Variants in NKAIN2 observed in about 807,000 individuals in gnomAD.
NKAIN2 encodes the protein sodium/potassium transporting ATPase interacting 2, also known as sodium/potassium-transporting ATPase subunit beta-1-interacting protein 2.
NKAIN2 carries 14 observed loss-of-function variants against 32.6 expected under a neutral mutation model. That is an observed-to-expected ratio of 0.43 (90% CI 0.28 to 0.67). The LOEUF (loss-of-function observed/expected upper bound fraction) is 0.67, where lower values mean the gene tolerates loss of function less well. Among genes scored for constraint, NKAIN2 ranks in the 30% least tolerant of loss-of-function variants. NKAIN2 has a pLI of 0.17. For missense variants in NKAIN2, 198 were observed against 258.3 expected, an observed-to-expected ratio of 0.77 and a Z score of 1.60; for synonymous variants, 80 against 87.2, an observed-to-expected ratio of 0.92 and a Z score of 0.46.
At chr6:124,587,380 CG>C (rs900334264) in intron 3 of NKAIN2, among the ~76,000 whole-genome samples, 15 of 151,796 alleles carry the variant, frequency 9.9e-5, no homozygotes, top group African/African-American at 3.2e-4. Flanking sequence ...CCACCACGCC[CG>C]GCTAATTTTT....
chr6:124,158,370 T>C (rs946455215), intron 1 of NKAIN2, among the ~76,000 whole-genome samples: 2 of 152,168 alleles, frequency 1.3e-5, no homozygotes, highest in Non-Finnish European at 2.9e-5. Flanking sequence ...CACTCTGTCA[T>C]ACCAGGGGTT....
In NKAIN2 at chr6:124,162,251, A is replaced by T. The variant is rs11963390; in HGVS notation, c.55-120754A>T. ...GACATACACCTAAGTACCAACACACATAGTATGCGCTCCATAGGAATAAGG... is the reference window on the plus strand; with the variant it reads ...GACATACACCTAAGTACCAACACACTTAGTATGCGCTCCATAGGAATAAGG... On this transcript the variant is annotated intron_variant, in intron 1 of 6. Coordinates refer to ENST00000368417, the MANE Select transcript of NKAIN2 (RefSeq NM_001040214.3). Among the ~76,000 whole-genome samples the T allele has an allele frequency of 7.9e-3, 1,195 of 152,164 alleles. 12 individuals are homozygous for T. The highest frequency in any genetic ancestry group is 0.027 in the African/African-American group (1,140 of 41,542).
At chr6:124,248,184 G>A (rs1426277691) in intron 1 of NKAIN2, among the ~76,000 whole-genome samples, 2 of 152,026 alleles carry the variant, frequency 1.3e-5, no homozygotes, top group East Asian at 3.9e-4. Flanking sequence ...TTTGGAACTT[G>A]AATGATAGAT....
chr6:124,649,847 A>G (rs1384339122), intron 3 of NKAIN2, among the ~76,000 whole-genome samples: 2 of 152,166 alleles, frequency 1.3e-5, no homozygotes, highest in East Asian at 1.9e-4. Context: ...TCCACAAACT[A>G]AAGAAGAAAA....
At chr6:124,673,767 T>C (rs535587340) in intron 4 of NKAIN2, among the ~76,000 whole-genome samples, 1 of 152,134 alleles carries the variant, frequency 6.6e-6, no homozygotes, top group African/African-American at 2.4e-5. Context: ...AGGTTTATCA[T>C]ATATTTTAGA....
Position 123,894,504 on chromosome 6 carries a change from C to T in NKAIN2, c.54+90250C>T, listed in dbSNP as rs552482861. 1.4e-4 allele frequency among the ~76,000 whole-genome samples: 22 copies of T among 152,046 alleles called. No individual in the cohort carries two copies. In the South Asian group the frequency reaches 4.0e-3, roughly 27 times the overall value. ...GGCATAGATTAGCTGTCGATGTTTT[C>T]AAAGGATCTGTAAAACCTGAGAAGC... On this transcript the variant is annotated intron_variant, in intron 1 of 6. Coordinates refer to ENST00000368417, the MANE Select transcript of NKAIN2 (RefSeq NM_001040214.3).
chr6:124,141,538 T>G (rs1348177024), intron 1 of NKAIN2, among the ~76,000 whole-genome samples: 1 of 152,086 alleles, frequency 6.6e-6, no homozygotes, highest in Admixed American at 6.6e-5. Flanking sequence ...TGGCTTAAAA[T>G]TCAATCAATT....
chr6:124,176,959 A>T (rs1321148064), intron 1 of NKAIN2, among the ~76,000 whole-genome samples: 1 of 152,060 alleles, frequency 6.6e-6, no homozygotes, highest in Non-Finnish European at 1.5e-5. Flanking sequence ...TGACTTTTTT[A>T]AAAATGCCTT....
chr6:124,658,091 C>G, intron 3 of NKAIN2, 95 bp from the exon 4 acceptor site: 1 of 968,154 alleles, frequency 1.0e-6, no homozygotes, highest in South Asian at 1.7e-5. Context: ...AACAAACCCA[C>G]ATTTCCAAAT....
intron 3 of NKAIN2, among the ~76,000 whole-genome samples, chr6:124,510,702 A>G (rs144258353): frequency 6.6e-6 from 1 of 152,306 alleles, no homozygotes; most frequent in East Asian, 1.9e-4. Flanking sequence ...TGTGAATTAA[A>G]TGGTGGGTGT....
chr6:124,519,188 A>T (rs2114792295), intron 3 of NKAIN2, among the ~76,000 whole-genome samples: 1 of 152,334 alleles, frequency 6.6e-6, no homozygotes, highest in East Asian at 1.9e-4. Context: ...TGGGGCAAAG[A>T]TTGAACAAAA....
intron 1 of NKAIN2, among the ~76,000 whole-genome samples, chr6:124,249,235 A>G (rs910600297): frequency 1.5e-4 from 23 of 152,116 alleles, no homozygotes; most frequent in African/African-American, 5.1e-4. Flanking sequence ...CAGACACTAA[A>G]TGGTAGTACC....
At chr6:123,872,824 A>G (rs1272891576) in intron 1 of NKAIN2, among the ~76,000 whole-genome samples, 1 of 152,178 alleles carries the variant, frequency 6.6e-6, no homozygotes, top group Non-Finnish European at 1.5e-5. Context: ...AAAATTGTCT[A>G]AAAGGTAAGT....
intron 3 of NKAIN2, among the ~76,000 whole-genome samples, chr6:124,599,805 C>T (rs971809891): frequency 2.6e-5 from 4 of 152,016 alleles, no homozygotes; most frequent in African/African-American, 9.7e-5. Context: ...TTCTTTTAGC[C>T]GTGCATGACC....
At chr6:124,416,583 G>C (rs1774498222) in intron 3 of NKAIN2, among the ~76,000 whole-genome samples, 1 of 152,266 alleles carries the variant, frequency 6.6e-6, no homozygotes, top group Admixed American at 6.5e-5. Context: ...AGGTTGTGAT[G>C]ATCCAGGATA....
intron 1 of NKAIN2, among the ~76,000 whole-genome samples, chr6:124,172,134 A>T (rs1788926514): frequency 6.6e-6 from 1 of 152,152 alleles, no homozygotes. Context: ...AATGATAGTG[A>T]AGTTGAACAA....
chr6:124,044,251 G>C (rs184872256), intron 1 of NKAIN2, among the ~76,000 whole-genome samples: 111 of 152,018 alleles, frequency 7.3e-4, no homozygotes, highest in African/African-American at 2.5e-3. Context: ...TTAGTTTTAG[G>C]ACCAAAACAA....
chr6:124,738,697 G>C (rs1052508623), intron 4 of NKAIN2, among the ~76,000 whole-genome samples: 2 of 151,918 alleles, frequency 1.3e-5, no homozygotes, highest in South Asian at 4.1e-4. Context: ...GGAGTATAAA[G>C]AGCAGTTACC....
At chr6:123,976,457 A>T (rs1187278644) in intron 1 of NKAIN2, among the ~76,000 whole-genome samples, 2 of 136,514 alleles carry the variant, frequency 1.5e-5, no homozygotes, top group African/African-American at 5.3e-5. Context: ...GGCTCATGTG[A>T]TTGTGGGGAC....
Sources: gnomAD v4.1 joint callset for allele counts (sites outside exome capture counted in the v4.1 genomes callset) on GRCh38, gnomAD v4.1.1 for gene constraint, MANE v1.5 for transcripts, NCBI Gene and HGNC (gene_info 2026-07-23, HGNC 2026-07-21) for gene names.